The following DLGAP2 variants were observed in gnomAD, a reference collection of about 807,000 sequenced individuals.
DLGAP2 encodes the protein disks large-associated protein 2.
In DLGAP2, 26 loss-of-function variants were observed where a neutral mutation model predicts 100.3. The ratio of observed to expected loss-of-function variants is 0.26; its 90% CI spans 0.19 to 0.36. The LOEUF (loss-of-function observed/expected upper bound fraction) is 0.36. Among genes scored for constraint, DLGAP2 ranks in the 10% least tolerant of loss-of-function variants. DLGAP2 has a pLI of 1.00. For missense variants in DLGAP2, 1,858 were observed against 1,453.2 expected (o/e 1.28, Z -4.53); for synonymous variants, 886 against 630.1 (o/e 1.41, Z -6.08).
At chr8:1,143,956 G>T (rs768464655) in intron 2 of DLGAP2, among the ~76,000 whole-genome samples, 3 of 152,204 alleles carry the variant, frequency 2.0e-5, no homozygotes, top group Non-Finnish European at 4.4e-5. Context: ...TAACAGATAA[G>T]GGAAGGCAAG....
rs141127245 is a variant in DLGAP2, at chr8:1,077,858, C to A, written c.73+169892C>A. Among the ~76,000 whole-genome samples the A allele has an allele frequency of 9.2e-5, 14 of 152,306 alleles. No individual in the cohort carries two copies. In the East Asian group the frequency reaches 2.7e-3, roughly 30 times the overall value. On this transcript the variant is annotated intron_variant, in intron 2 of 14. Coordinates refer to ENST00000637795, the MANE Select transcript of DLGAP2 (RefSeq NM_001346810.2). ...AGCTCTTCTGGGTGACACAGCGGAGCTCACAGCTGTCTCAGCACACGCCCG... is the reference window on the plus strand; with the variant it reads ...AGCTCTTCTGGGTGACACAGCGGAGATCACAGCTGTCTCAGCACACGCCCG...
At chr8:1,190,966 G>C (rs1458539109) in intron 2 of DLGAP2, among the ~76,000 whole-genome samples, 1 of 152,162 alleles carries the variant, frequency 6.6e-6, no homozygotes, top group Non-Finnish European at 1.5e-5. Flanking sequence ...GCGCAGCGAG[G>C]GGGGTGGGTG....
intron 2 of DLGAP2, among the ~76,000 whole-genome samples, chr8:1,076,891 G>C (rs1415923116): frequency 1.4e-5 from 2 of 147,402 alleles, no homozygotes; most frequent in African/African-American, 5.1e-5. Context: ...GGGGGAGGAG[G>C]AGTCTGTCCC....
intron 2 of DLGAP2, among the ~76,000 whole-genome samples, chr8:1,113,649 G>C (rs572991951): frequency 6.6e-6 from 1 of 152,222 alleles, no homozygotes; most frequent in African/African-American, 2.4e-5. Context: ...ACAAACAGGG[G>C]TACTTTGACT....
At chr8:1,226,024 A>T (rs941446912) in intron 2 of DLGAP2, among the ~76,000 whole-genome samples, 2 of 152,302 alleles carry the variant, frequency 1.3e-5, no homozygotes, top group South Asian at 2.1e-4. Flanking sequence ...ATATATGCAT[A>T]TATATGGTAT....
At chr8:1,186,428 C>T (rs138482555) in intron 2 of DLGAP2, among the ~76,000 whole-genome samples, 3,088 of 152,314 alleles carry the variant, frequency 0.02, 52 homozygotes, top group Non-Finnish European at 0.031. Flanking sequence ...GGCCTCCTCT[C>T]CAGCCCGCTG....
intron 1 of DLGAP2, among the ~76,000 whole-genome samples, chr8:759,187 C>G (rs558075625): frequency 2.0e-5 from 2 of 98,784 alleles, no homozygotes; most frequent in Admixed American, 1.2e-4. Context: ...TCAATACCCC[C>G]GACAGCCTTC....
At chr8:1,417,160 A>AGACCCCCGTTCATTTAGCGTCTGAGGCG (rs1563133711) in intron 3 of DLGAP2, among the ~76,000 whole-genome samples, 3 of 108,316 alleles carry the variant, frequency 2.8e-5, no homozygotes, top group East Asian at 2.8e-4. Context: ...CTCTGAGTGA[A>AGACCCCCGTTCATTTAGCGTCTGAGGCG]GGGGAAGCCC....
chr8:892,088 T>C (rs941527841), intron 1 of DLGAP2, among the ~76,000 whole-genome samples: 1 of 152,208 alleles, frequency 6.6e-6, no homozygotes, highest in African/African-American at 2.4e-5. Flanking sequence ...AATTGGGTCC[T>C]GGGTGTTGCT....
chr8:1,634,901 C>T (rs977380066), intron 8 of DLGAP2, among the ~76,000 whole-genome samples: 5 of 152,040 alleles, frequency 3.3e-5, no homozygotes, highest in Non-Finnish European at 5.9e-5. Context: ...TCCAAAAATA[C>T]ACCTACCAAA....
chr8:1,121,693 C>A (rs1354901515), intron 2 of DLGAP2, among the ~76,000 whole-genome samples: 1 of 82,852 alleles, frequency 1.2e-5, no homozygotes, highest in Non-Finnish European at 3.7e-5. Flanking sequence ...CCTCATCTTT[C>A]CTGAACCCAT....
intron 6 of DLGAP2, among the ~76,000 whole-genome samples, chr8:1,579,383 A>C (rs1803132785): frequency 6.6e-6 from 1 of 152,110 alleles, no homozygotes; most frequent in Non-Finnish European, 1.5e-5. Flanking sequence ...GGGGGTGGAG[A>C]AGACGTATCT....
rs573095194 is a variant in DLGAP2, at chr8:884,302, CTT to C, written c.19-23609_19-23608del. 3.1e-4 allele frequency among the ~76,000 whole-genome samples: 47 copies of C among 152,202 alleles called. 1 individual carries two copies. The East Asian group carries it at 8.5e-3, about 28-fold the overall frequency. On this transcript the variant is annotated intron_variant, in intron 1 of 14. Coordinates refer to ENST00000637795, the MANE Select transcript of DLGAP2 (RefSeq NM_001346810.2). ...TTTCTCTGCAGCCTCAGCAGTATCT[CTT>C]GTTTCTTGACTTTTTAATAATTGCC...
At chr8:1,187,399 C>T (rs180896520) in intron 2 of DLGAP2, among the ~76,000 whole-genome samples, 1,506 of 137,038 alleles carry the variant, frequency 0.011, 68 homozygotes, top group African/African-American at 0.043. Flanking sequence ...GTTTCCCTCA[C>T]GGAATGTCAC....
At chr8:1,108,413 G>T (rs1251636445) in intron 2 of DLGAP2, among the ~76,000 whole-genome samples, 1 of 152,224 alleles carries the variant, frequency 6.6e-6, no homozygotes, top group Non-Finnish European at 1.5e-5. Context: ...GATTGAAGCC[G>T]TCATGTAAGA....
chr8:1,128,268 C>G (rs1796214489), intron 2 of DLGAP2, among the ~76,000 whole-genome samples: 1 of 151,736 alleles, frequency 6.6e-6, no homozygotes, highest in South Asian at 2.1e-4. Flanking sequence ...CGGTGAGGAC[C>G]TGCTCCCGGT....
rs1379994957 is a variant in DLGAP2, at chr8:1,451,687, C to T, written c.107-49679C>T. On this transcript the variant is annotated intron_variant, in intron 3 of 14. Coordinates refer to ENST00000637795, the MANE Select transcript of DLGAP2 (RefSeq NM_001346810.2). ...ACTGAGGTCCCCAGCAGCCCCTTCTCAGCCATCACACAGCCTCATGCTGCC... is the reference window on the plus strand; with the variant it reads ...ACTGAGGTCCCCAGCAGCCCCTTCTTAGCCATCACACAGCCTCATGCTGCC... Among the ~76,000 whole-genome samples the T allele has an allele frequency of 3.9e-5, 6 of 152,292 alleles. No individual in the cohort carries two copies. In the East Asian group the frequency reaches 1.2e-3, roughly 29 times the overall value.
chr8:875,143 T>C (rs1797666280), intron 1 of DLGAP2, among the ~76,000 whole-genome samples: 2 of 152,244 alleles, frequency 1.3e-5, no homozygotes, highest in Non-Finnish European at 2.9e-5. Flanking sequence ...TTTTAATCTT[T>C]AAAGTGTATC....
rs1429754928 is a variant in DLGAP2, at chr8:823,437, TTTGTACTGTGAA to T, written c.19-84472_19-84461del. Among the ~76,000 whole-genome samples, 3 of 152,196 alleles carry T rather than the reference TTTGTACTGTGAA, an allele frequency of 2.0e-5. No individual in the cohort carries two copies. In the East Asian group the frequency reaches 5.8e-4, roughly 29 times the overall value. ...GTAACTAGCAAGGGGCAATTGCTTA[TTTGTACTGTGAA>T]TTAGTTAGGGTGCTTAATTGCAAAG... On this transcript the variant is annotated intron_variant, in intron 1 of 14. Coordinates refer to ENST00000637795, the MANE Select transcript of DLGAP2 (RefSeq NM_001346810.2).
Sources: allele counts gnomAD v4.1 joint callset (sites outside exome capture counted in the v4.1 genomes callset), GRCh38; gene constraint gnomAD v4.1.1; transcripts MANE v1.5; gene names NCBI Gene and HGNC (gene_info 2026-07-23, HGNC 2026-07-21).